Variants in RASGRF2 observed in about 807,000 individuals in gnomAD.
The protein encoded by RASGRF2 is Ras protein specific guanine nucleotide releasing factor 2.
In RASGRF2, 76 loss-of-function variants were observed where a neutral mutation model predicts 151.0. The ratio of observed to expected loss-of-function variants is 0.50; its 90% confidence interval spans 0.42 to 0.61. RASGRF2 has a LOEUF of 0.61. Among genes scored for constraint, RASGRF2 ranks in the 20% least tolerant of loss-of-function variants. RASGRF2 has a pLI of 0.00. For missense variants in RASGRF2, 1,148 were observed against 1,564.6 expected (o/e 0.73, Z 4.49); for synonymous variants, 504 against 566.5 (o/e 0.89, Z 1.57).
chr5:81,058,532 G>A (rs111997880), intron 2 of RASGRF2, among the ~76,000 whole-genome samples: 16 of 152,196 alleles, frequency 1.1e-4, no homozygotes, highest in Non-Finnish European at 2.1e-4. Flanking sequence ...AGCAGAATAG[G>A]AGTAGTAAAC....
At chr5:81,081,828 T>C (rs1480380674) in intron 7 of RASGRF2, among the ~76,000 whole-genome samples, 1 of 152,248 alleles carries the variant, frequency 6.6e-6, no homozygotes, top group African/African-American at 2.4e-5. Context: ...AAAGGATGCA[T>C]TTAAAACCAC....
At chr5:80,970,319 T>C (rs1003395686) in intron 1 of RASGRF2, among the ~76,000 whole-genome samples, 1 of 152,202 alleles carries the variant, frequency 6.6e-6, no homozygotes, top group Non-Finnish European at 1.5e-5. Context: ...GTCCTATGAC[T>C]GATTGTTTTA....
chr5:81,039,750 ATG>A (rs899226408), intron 1 of RASGRF2, among the ~76,000 whole-genome samples: 3 of 103,894 alleles, frequency 2.9e-5, no homozygotes, highest in African/African-American at 9.6e-5. Context: ...GAAAAACCAC[ATG>A]ATTATATTTA....
chr5:81,071,263 C>A (rs1404586127), intron 4 of RASGRF2, among the ~76,000 whole-genome samples: 12 of 152,176 alleles, frequency 7.9e-5, no homozygotes. Flanking sequence ...ATCTTCAAAT[C>A]TTATTTCTTT....
At chr5:81,053,426 T>G (rs1347259756) in intron 2 of RASGRF2, among the ~76,000 whole-genome samples, 1 of 152,068 alleles carries the variant, frequency 6.6e-6, no homozygotes, top group African/African-American at 2.4e-5. Context: ...GTTTCCAGCT[T>G]CATCCATGTC....
At chr5:81,080,492 A>C in intron 6 of RASGRF2, 104 bp from the exon 7 acceptor site, 1 of 1,237,336 alleles carries the variant, frequency 8.1e-7, no homozygotes, top group East Asian at 2.3e-5. Context: ...GGCTCCATGC[A>C]TGTGTGACAC....
chr5:81,053,579 T>C (rs1182733738), intron 2 of RASGRF2, among the ~76,000 whole-genome samples: 1 of 152,172 alleles, frequency 6.6e-6, no homozygotes, highest in East Asian at 1.9e-4. Context: ...AGTGCTGCAA[T>C]AAACATACGT....
At chr5:81,032,753 C>T (rs542080837) in intron 1 of RASGRF2, among the ~76,000 whole-genome samples, 115 of 151,914 alleles carry the variant, frequency 7.6e-4, no homozygotes, top group African/African-American at 2.6e-3. Context: ...GGGATGCCCT[C>T]TCTCACCACT....
intron 2 of RASGRF2, among the ~76,000 whole-genome samples, chr5:81,049,328 A>C (rs943530806): frequency 3.3e-5 from 5 of 152,140 alleles, no homozygotes; most frequent in Admixed American, 3.3e-4. Context: ...ATATGGATAG[A>C]TAGGTAGAAT....
At chr5:81,182,740 T>C (rs2112679800) in intron 18 of RASGRF2, among the ~76,000 whole-genome samples, 1 of 152,344 alleles carries the variant, frequency 6.6e-6, no homozygotes, top group East Asian at 1.9e-4. Context: ...CTGGGCCATT[T>C]CATTCAGAAG....
At chr5:81,068,853 A>T (rs965551656) in intron 3 of RASGRF2, among the ~76,000 whole-genome samples, 2 of 152,128 alleles carry the variant, frequency 1.3e-5, no homozygotes, top group South Asian at 4.1e-4. Context: ...GCCTCAGTCT[A>T]GATAGAGAAT....
Position 81,123,667 on chromosome 5 carries a change from C to T in RASGRF2, c.2496C>T (p.Asp832=), listed in dbSNP as rs771001929. 1 of 1,613,934 alleles carries T rather than the reference C, an allele frequency of 6.2e-7. No individual in the cohort carries two copies. The highest frequency in any genetic ancestry group is 8.5e-7 in the Non-Finnish European group (1 of 1,179,968). ...QKAVLESAPA[D]RAGVESSPAA... ...CAGTCCTAGAGTCTGCACCAGCGGA[C>T]CGAGCAGGAGTGGAAAGCTCCCCTG... The change falls in exon 16 of 27, where the codon GAC becomes GAT. Residue 832 remains aspartate, a synonymous_variant. Transcript: ENST00000265080.
At chr5:81,045,959 A>G (rs553913466) in intron 2 of RASGRF2, among the ~76,000 whole-genome samples, 4 of 152,214 alleles carry the variant, frequency 2.6e-5, no homozygotes, top group Non-Finnish European at 5.9e-5. Context: ...TTAATTAATT[A>G]TGGTTGGTTG....
Position 80,989,560 on chromosome 5 carries a change from C to G in RASGRF2, c.288+28534C>G, listed in dbSNP as rs407901. The stretch of plus-strand genomic sequence containing the variant: ...GGAGCAACCTTTATCATCAGAACAA[C>G]TAATAATGTTGTTGCAGACTTTGGC... On this transcript the variant is annotated intron_variant, in intron 1 of 26. Coordinates refer to ENST00000265080, the MANE Select transcript of RASGRF2 (RefSeq NM_006909.3). Among the ~76,000 whole-genome samples, 1,319 of 152,238 alleles carry G rather than the reference C, an allele frequency of 8.7e-3. 10 individuals carry two copies. Among genetic ancestry groups the G allele is most frequent in the Admixed American group, 0.014 (221 of 15,288 alleles).
At chr5:81,062,275 C>G (rs536005021) in intron 2 of RASGRF2, among the ~76,000 whole-genome samples, 1 of 152,132 alleles carries the variant, frequency 6.6e-6, no homozygotes, top group African/African-American at 2.4e-5. Context: ...AATTTAACAC[C>G]CTTACAATAC....
At chr5:80,961,109 G>C (rs1174050939) in intron 1 of RASGRF2, 83 bp downstream of exon 1, 1 of 1,376,758 alleles carries the variant, frequency 7.3e-7, no homozygotes, top group Non-Finnish European at 9.5e-7. Context: ...CAGGGGTCGG[G>C]GGTCGTGAAA....
At chr5:81,036,315 C>T (rs988590134) in intron 1 of RASGRF2, among the ~76,000 whole-genome samples, 1 of 151,944 alleles carries the variant, frequency 6.6e-6, no homozygotes, top group African/African-American at 2.4e-5. Context: ...TACCTTCTGC[C>T]TCCCACTCTC....
At chr5:81,112,425 T>C (rs76307934) in intron 13 of RASGRF2, among the ~76,000 whole-genome samples, 185 bp from the exon 14 acceptor site, 2,604 of 152,218 alleles carry the variant, frequency 0.017, 45 homozygotes, top group African/African-American at 0.043. Context: ...GATTTTAATA[T>C]GGTGGGGGGA....
intron 1 of RASGRF2, among the ~76,000 whole-genome samples, chr5:81,023,153 A>G (rs1466567681): frequency 1.3e-5 from 2 of 152,202 alleles, no homozygotes; most frequent in Admixed American, 6.5e-5. Flanking sequence ...AATGCTGTTT[A>G]GTGTAGAAAT....
Sources: gnomAD v4.1 joint callset for allele counts (sites outside exome capture counted in the v4.1 genomes callset) on GRCh38, gnomAD v4.1.1 for gene constraint, MANE v1.5 for transcripts, NCBI Gene and HGNC (gene_info 2026-07-23, HGNC 2026-07-21) for gene names.